LRMDA: variants seen among roughly 807,000 people sequenced by gnomAD.
LRMDA encodes the protein leucine-rich melanocyte differentiation-associated protein.
A neutral mutation model predicts 29.8 loss-of-function variants in LRMDA; 18 were observed. The observed-to-expected ratio is 0.60, with a 90% confidence interval of 0.42 to 0.90. The LOEUF (loss-of-function observed/expected upper bound fraction) is 0.90, where lower values mean the gene tolerates loss of function less well. Among genes scored for constraint, LRMDA ranks in the 40% least tolerant of loss-of-function variants. LRMDA has a pLI of 0.00. For synonymous variants in LRMDA, 125 were observed against 109.4 expected, an observed-to-expected ratio of 1.14 and a Z score of -0.89; for missense variants, 273 against 273.9, an observed-to-expected ratio of 1.00 and a Z score of 0.02.
chr10:76,178,396 T>C (rs758326630), intron 5 of LRMDA, among the ~76,000 whole-genome samples: 1 of 152,220 alleles, frequency 6.6e-6, no homozygotes, highest in Non-Finnish European at 1.5e-5. Context: ...TGGCTGTAAT[T>C]GAATACATTA....
chr10:76,503,026 T>C (rs1842926500), intron 6 of LRMDA, among the ~76,000 whole-genome samples: 1 of 152,018 alleles, frequency 6.6e-6, no homozygotes. Context: ...ACATTGGCTA[T>C]GGGTTTGTCA....
chr10:75,908,890 C>A (rs1189229669), intron 2 of LRMDA, among the ~76,000 whole-genome samples: 1 of 152,174 alleles, frequency 6.6e-6, no homozygotes, highest in Non-Finnish European at 1.5e-5. Context: ...ATGTACTGAA[C>A]ATCAAGTACT....
rs572251964 is a variant in LRMDA at position 75,956,568 on chromosome 10, C to T, written c.132-79440C>T. On this transcript the variant is annotated intron_variant, in intron 2 of 6. Coordinates refer to ENST00000611255, the MANE Select transcript of LRMDA (RefSeq NM_001305581.2). Reference sequence around the variant, plus strand: ...CCACCATCACTGTACAAGTGTGGTCCCTGCCATAGCTAGTTCAGGGTCCTC... The same window carrying T: ...CCACCATCACTGTACAAGTGTGGTCTCTGCCATAGCTAGTTCAGGGTCCTC... Among the ~76,000 whole-genome samples the T allele has an allele frequency of 3.3e-5, 5 of 152,246 alleles. No individual in the cohort carries two copies. The East Asian group carries it at 9.7e-4, about 29-fold the overall frequency.
chr10:76,287,616 T>C (rs988744202), intron 5 of LRMDA, among the ~76,000 whole-genome samples: 10 of 152,146 alleles, frequency 6.6e-5, no homozygotes, highest in African/African-American at 2.4e-4. Flanking sequence ...GGAAAGGCAA[T>C]GCATTCTTAG....
chr10:76,506,604 C>G lies in LRMDA; in HGVS notation c.602-50605C>G, dbSNP rs182110437. On this transcript the variant is annotated intron_variant, in intron 6 of 6. Transcript: ENST00000611255. ...TCACTGTATTTTTGTAGCTATCAACCAACTTTTCTTCATCCCTCTCTCCCC... is the reference window on the plus strand; with the variant it reads ...TCACTGTATTTTTGTAGCTATCAACGAACTTTTCTTCATCCCTCTCTCCCC... Among the ~76,000 whole-genome samples the G allele has an allele frequency of 7.9e-5, 12 of 152,152 alleles. No homozygotes were observed. In the East Asian group the frequency reaches 2.3e-3, roughly 29 times the overall value.
At chr10:75,630,099 T>A (rs185943486) in intron 2 of LRMDA, among the ~76,000 whole-genome samples, 373 of 152,380 alleles carry the variant, frequency 2.4e-3, no homozygotes, top group Non-Finnish European at 4.5e-3. Flanking sequence ...ATATCCCAAG[T>A]TAAAATTTGC....
chr10:76,083,850 A>AAG (rs1554845716), intron 5 of LRMDA, among the ~76,000 whole-genome samples: 6 of 149,534 alleles, frequency 4.0e-5, no homozygotes, highest in African/African-American at 9.8e-5. Context: ...AAAAAAAAAA[A>AAG]GGGGCTCTAG....
chr10:76,486,044 C>T (rs1842779560), intron 6 of LRMDA, among the ~76,000 whole-genome samples: 1 of 151,884 alleles, frequency 6.6e-6, no homozygotes. Flanking sequence ...ATAGATGCTT[C>T]ATTATGCATT....
Position 75,431,682 on chromosome 10 carries a change from GC to G in LRMDA, c.-38del. 2 of 1,266,314 alleles carry G rather than the reference GC, an allele frequency of 1.6e-6. No individual in the cohort carries two copies. The highest frequency in any genetic ancestry group is 2.0e-6 in the Non-Finnish European group (2 of 1,012,712). 78.4% of individuals were successfully genotyped at this position (1,266,314 alleles called of 1,614,324 possible). ...CCGCGCTCCCCGCTGCTGCCGCCGCGCCCCCGCGCTCCGTCCCGCGCGCCCG... is the reference window on the plus strand; with the variant it reads ...CCGCGCTCCCCGCTGCTGCCGCCGCGCCCCGCGCTCCGTCCCGCGCGCCCG... On this transcript the variant is annotated 5_prime_UTR_variant, in exon 1 of 7. Coordinates refer to ENST00000611255, the MANE Select transcript of LRMDA (RefSeq NM_001305581.2).
At chr10:75,433,510 T>G (rs1403130306) in intron 1 of LRMDA, among the ~76,000 whole-genome samples, 12 of 152,112 alleles carry the variant, frequency 7.9e-5, no homozygotes, top group Non-Finnish European at 1.0e-4. Context: ...CCCAGGTTAG[T>G]GGATTTGAGT....
At chr10:76,212,234 A>ACAC (rs1220832004) in intron 5 of LRMDA, among the ~76,000 whole-genome samples, 2 of 128,894 alleles carry the variant, frequency 1.6e-5, no homozygotes, top group Non-Finnish European at 1.6e-5. Flanking sequence ...TGTGAAAATT[A>ACAC]AAACACACAC....
chr10:75,707,547 C>T lies in LRMDA; in HGVS notation c.131+269053C>T, dbSNP rs116042221. On this transcript the variant is annotated intron_variant, in intron 2 of 6. Coordinates refer to ENST00000611255, the MANE Select transcript of LRMDA (RefSeq NM_001305581.2). ...AAAGCCGGTGACCGAGGATGCTGAG[C>T]AGGGAGACCCAGGGAGGGCTTTATG... is the stretch of plus-strand genomic sequence containing the variant. 5.6e-3 allele frequency among the ~76,000 whole-genome samples: 849 copies of T among 152,314 alleles called. 7 individuals carry two copies. The highest frequency in any genetic ancestry group is 0.019 in the African/African-American group (810 of 41,570).
chr10:75,508,881 G>C (rs577064827), intron 2 of LRMDA, among the ~76,000 whole-genome samples: 31 of 152,240 alleles, frequency 2.0e-4, no homozygotes, highest in Non-Finnish European at 3.1e-4. Flanking sequence ...CAATTTATGG[G>C]CACTGGTGGA....
intron 2 of LRMDA, among the ~76,000 whole-genome samples, chr10:75,512,639 A>G (rs1294968099): frequency 6.6e-6 from 1 of 152,130 alleles, no homozygotes; most frequent in African/African-American, 2.4e-5. Context: ...GAAGGGGCAG[A>G]ACTGGTTTGG....
intron 5 of LRMDA, among the ~76,000 whole-genome samples, chr10:76,188,235 A>T (rs757876103): frequency 6.6e-6 from 1 of 152,194 alleles, no homozygotes; most frequent in South Asian, 2.1e-4. Context: ...TTGAAATTAG[A>T]TTGCTTCCTT....
chr10:75,546,761 AATC>A (rs1235961392), intron 2 of LRMDA, among the ~76,000 whole-genome samples: 1 of 152,224 alleles, frequency 6.6e-6, no homozygotes, highest in East Asian at 1.9e-4. Flanking sequence ...TATTAATAAT[AATC>A]ATTACTGATA....
chr10:76,128,899 A>G (rs1441108582), intron 5 of LRMDA, among the ~76,000 whole-genome samples: 2 of 152,338 alleles, frequency 1.3e-5, no homozygotes, highest in Non-Finnish European at 2.9e-5. Context: ...TGTTCCAAGG[A>G]GCGTCTACCT....
At chr10:76,535,485 C>T (rs545567292) in intron 6 of LRMDA, among the ~76,000 whole-genome samples, 1 of 152,244 alleles carries the variant, frequency 6.6e-6, no homozygotes, top group East Asian at 1.9e-4. Context: ...AAATAGGACT[C>T]TTCTAATAGA....
intron 5 of LRMDA, among the ~76,000 whole-genome samples, chr10:76,075,836 A>G (rs1017848623): frequency 6.6e-6 from 1 of 152,178 alleles, no homozygotes; most frequent in East Asian, 1.9e-4. Flanking sequence ...GGTACACTGA[A>G]GGACCCAGAT....
Sources: allele counts gnomAD v4.1 joint callset (sites outside exome capture counted in the v4.1 genomes callset), GRCh38; gene constraint gnomAD v4.1.1; transcripts MANE v1.5; gene names NCBI Gene and HGNC (gene_info 2026-07-23, HGNC 2026-07-21).